The following CRAMP1 variants were observed in gnomAD, a reference collection of about 807,000 sequenced individuals.
The protein encoded by CRAMP1 is cramped chromatin regulator 1.
Under a neutral mutation model 115.4 loss-of-function variants are expected in CRAMP1, and 50 were observed. That is an observed-to-expected ratio of 0.43 (90% CI 0.35 to 0.55). The LOEUF (loss-of-function observed/expected upper bound fraction) is 0.55, where lower values mean the gene tolerates loss of function less well. Ranked by LOEUF, CRAMP1 falls within the 20% of genes least tolerant of loss-of-function variation. The pLI is 0.01. For missense variants in CRAMP1, 1,679 were observed against 1,721.7 expected (o/e 0.98, Z 0.44); for synonymous variants, 866 against 745.4 (o/e 1.16, Z -2.64).
intron 10 of CRAMP1, among the ~76,000 whole-genome samples, chr16:1,658,422 G>A (rs1265619622): frequency 6.6e-6 from 1 of 152,194 alleles, no homozygotes; most frequent in Non-Finnish European, 1.5e-5. Context: ...GTGCCCCAGG[G>A]AAGGGGCCAG....
chr16:1,646,430 G>A (rs959850071), intron 6 of CRAMP1, among the ~76,000 whole-genome samples: 5 of 152,232 alleles, frequency 3.3e-5, no homozygotes, highest in African/African-American at 9.6e-5. Flanking sequence ...GCATCATGCT[G>A]TGGTTTTGAT....
At chr16:1,647,046 A>G in intron 6 of CRAMP1, 1 of 702,912 alleles carries the variant, frequency 1.4e-6, no homozygotes, top group South Asian at 1.5e-5. Context: ...CAAACAGGAA[A>G]CCTGTCAAGG....
At chr16:1,655,419 G>A (rs2036762656) in intron 9 of CRAMP1, 119 bp downstream of exon 9, 1 of 800,160 alleles carries the variant, frequency 1.2e-6, no homozygotes, top group Non-Finnish European at 2.2e-6. Context: ...CAGCCATGCT[G>A]TGACATGGTG....
chr16:1,656,889 G>A lies in CRAMP1; in HGVS notation c.2132G>A (p.Gly711Asp). The change falls in exon 10 of 21, where the codon GGC becomes GAC. Residue 711 changes from glycine to aspartate, a missense_variant. Physicochemically the swap from Gly to Asp is moderately conservative, Grantham distance 94. This residue lies in a region of CRAMP1 where 709 missense variants were observed against 741.9 expected (regional missense o/e 0.96). Coordinates refer to ENST00000397412, the MANE Select transcript of CRAMP1 (RefSeq NM_020825.4). The surrounding 1 kb of genome is among the most constrained non-coding windows in gnomAD (Gnocchi z 5.6). ...LQLEYDWLGP[G>D]RQDPRPGSLP... ...CTGGAGTACGACTGGCTGGGGCCCG[G>A]CCGCCAGGACCCCCGCCCCGGCTCC... 1 of 1,551,290 alleles carries A rather than the reference G, an allele frequency of 6.4e-7. No individual in the cohort carries two copies. The highest frequency in any genetic ancestry group is 8.7e-7 in the Non-Finnish European group (1 of 1,147,656).
At position 1,666,644 on chromosome 16, in the gene CRAMP1, T is replaced by C. The variant is rs774294470; in HGVS notation, c.3036+44T>C. The C allele has an allele frequency of 1.1e-5, 17 of 1,564,408 alleles. No homozygotes were observed. The highest frequency in any genetic ancestry group is 1.5e-5 in the Non-Finnish European group (17 of 1,137,136). On this transcript the variant is annotated intron_variant, in intron 16 of 20. Coordinates refer to ENST00000397412, the MANE Select transcript of CRAMP1 (RefSeq NM_020825.4). This position sits in a 1 kb window ranked among gnomAD's most constrained non-coding sequence, Gnocchi z 5.0. ...GCTTTTCAGCATTACCACCAACTTC[T>C]GGTGTGGACGCCAAAGCCATGGGGC... is the stretch of plus-strand genomic sequence containing the variant.
intron 2 of CRAMP1, among the ~76,000 whole-genome samples, chr16:1,617,815 C>G (rs1026836432): frequency 6.6e-6 from 1 of 152,102 alleles, no homozygotes. Flanking sequence ...AGTTCAGTTT[C>G]AAATTTAAAT....
In CRAMP1 at chr16:1,613,207, G is replaced by A. The variant is rs184473216; in HGVS notation, c.-2+550G>A. On this transcript the variant is annotated intron_variant, in intron 1 of 20. Coordinates refer to ENST00000397412, the MANE Select transcript of CRAMP1 (RefSeq NM_020825.4). The stretch of plus-strand genomic sequence containing the variant: ...TTGCCACGAAATCCCTTAAGTTGGG[G>A]TGTTTGTCGTGGGTGGTTTTGTTCT... Among the ~76,000 whole-genome samples, 5 of 152,270 alleles carry A rather than the reference G, an allele frequency of 3.3e-5. No individual in the cohort carries two copies. The East Asian group carries it at 7.7e-4, about 24-fold the overall frequency.
At position 1,675,762 on chromosome 16, in the gene CRAMP1, C is replaced by T. The variant is rs975408317; in HGVS notation, c.*1717C>T. 6.6e-6 allele frequency: 1 copy of T among 152,250 alleles called. No individual in the cohort carries two copies. Among genetic ancestry groups the T allele is most frequent in the Non-Finnish European group, 1.5e-5 (1 of 68,050 alleles). 9.4% of individuals were successfully genotyped at this position (152,250 alleles called of 1,614,324 possible). A position where few individuals can be genotyped will look rare whatever the true frequency, so the allele number is the denominator to read the frequency against. Reference sequence around the variant, plus strand: ...AGAGCTCTTGCCTGAGCTGGCTTCCCTCCTTCAGACATTGACATGAGATCT... The same window carrying T: ...AGAGCTCTTGCCTGAGCTGGCTTCCTTCCTTCAGACATTGACATGAGATCT... On this transcript the variant is annotated 3_prime_UTR_variant, in exon 21 of 21. Transcript: ENST00000397412.
rs1227975822 is a variant in CRAMP1, at chr16:1,656,590, T to C, written c.1833T>C (p.Ala611=). 2.6e-6 allele frequency: 4 copies of C among 1,565,940 alleles called. No homozygotes were observed. The African/African-American group carries it at 5.4e-5, about 21-fold the overall frequency. ...APVSKEAADL[A]PTGPSPRPGP... Reference sequence around the variant, plus strand: ...TCAGCAAGGAGGCTGCTGACCTTGCTCCCACTGGCCCATCCCCGAGGCCCG... The same window carrying C: ...TCAGCAAGGAGGCTGCTGACCTTGCCCCCACTGGCCCATCCCCGAGGCCCG... Residue 611 remains alanine (A), a synonymous_variant, in exon 10 of 21, where the codon GCT becomes GCC. Coordinates refer to ENST00000397412, the MANE Select transcript of CRAMP1 (RefSeq NM_020825.4). This position sits in a 1 kb window ranked among gnomAD's most constrained non-coding sequence, Gnocchi z 5.6.
At chr16:1,640,290 G>A (rs560167219) in intron 5 of CRAMP1, among the ~76,000 whole-genome samples, 5 of 152,156 alleles carry the variant, frequency 3.3e-5, no homozygotes, top group South Asian at 4.1e-4. Context: ...CTGATCTGAC[G>A]GGTTCATTCT....
At chr16:1,612,771 C>T (rs2142161136) in intron 1 of CRAMP1, among the ~76,000 whole-genome samples, 114 bp downstream of exon 1, 1 of 152,200 alleles carries the variant, frequency 6.6e-6, no homozygotes, top group East Asian at 1.9e-4. Flanking sequence ...GGTACAGCCA[C>T]AACTGGCCTC....
At chr16:1,615,802 T>C (rs756839853) in intron 2 of CRAMP1, among the ~76,000 whole-genome samples, 4 of 152,250 alleles carry the variant, frequency 2.6e-5, no homozygotes, top group Non-Finnish European at 5.9e-5. Context: ...TTTCCGACCA[T>C]GTTCGCAGCA....
At chr16:1,670,613 G>A (rs1361372573) in intron 19 of CRAMP1, 51 bp from the exon 20 acceptor site, 2 of 1,604,372 alleles carry the variant, frequency 1.2e-6, no homozygotes, top group South Asian at 2.2e-5. Flanking sequence ...CGCTGGACTG[G>A]TCCAGACCAA....
At chr16:1,639,886 TA>T (rs1273733089) in intron 5 of CRAMP1, among the ~76,000 whole-genome samples, 8 of 152,256 alleles carry the variant, frequency 5.3e-5, no homozygotes, top group African/African-American at 1.7e-4. Flanking sequence ...TCCCTACCTC[TA>T]GACCCTATTC....
chr16:1,656,364 G>A lies in CRAMP1; in HGVS notation c.1607G>A (p.Arg536Gln), dbSNP rs371446549. 711 of 1,601,402 alleles carry A rather than the reference G, an allele frequency of 4.4e-4. 1 individual carries two copies. The highest frequency in any genetic ancestry group is 6.6e-4 in the Middle Eastern group (4 of 6,062). Residue 536 changes from arginine to glutamine, a missense_variant, in exon 10 of 21, where the codon CGG becomes CAG. Arg to Gln is a conservative substitution (Grantham distance 43). Around this residue, in one of 8 missense-constraint regions of CRAMP1, gnomAD observed 405 missense variants for 302.6 expected, o/e 1.34. Transcript: ENST00000397412. The surrounding 1 kb of genome is among the most constrained non-coding windows in gnomAD (Gnocchi z 5.6). ...GCAGAAGGCAGGGACAGTCCCACCCGGGAGCCAGGGGCCTTGCCGTGTGCC... is the reference window on the plus strand; with the variant it reads ...GCAGAAGGCAGGGACAGTCCCACCCAGGAGCCAGGGGCCTTGCCGTGTGCC... ...TPAEGRDSPTREPGALPCACG... is the reference protein window; with the variant it reads ...TPAEGRDSPTQEPGALPCACG...
At chr16:1,643,748 A>G (rs1322896987) in intron 6 of CRAMP1, among the ~76,000 whole-genome samples, 1 of 152,224 alleles carries the variant, frequency 6.6e-6, no homozygotes, top group Non-Finnish European at 1.5e-5. Flanking sequence ...CAGTCATGCC[A>G]TCTGCCACTC....
Position 1,676,463 on chromosome 16 carries a change from A to G in CRAMP1, c.*2418A>G, listed in dbSNP as rs1430346653. 6.6e-6 allele frequency: 1 copy of G among 152,246 alleles called. No homozygotes were observed. Among genetic ancestry groups the G allele is most frequent in the Non-Finnish European group, 1.5e-5 (1 of 68,044 alleles). 9.4% of individuals were successfully genotyped at this position (152,246 alleles called of 1,614,324 possible). A position where few individuals can be genotyped will look rare whatever the true frequency, so the allele number is the denominator to read the frequency against. On this transcript the variant is annotated 3_prime_UTR_variant, in exon 21 of 21. Coordinates refer to ENST00000397412, the MANE Select transcript of CRAMP1 (RefSeq NM_020825.4). ...ACATTTTCTTCTGGCCTAAATGAATATTTATGTGCAAACATAGGCAACTGT... is the reference window on the plus strand; with the variant it reads ...ACATTTTCTTCTGGCCTAAATGAATGTTTATGTGCAAACATAGGCAACTGT...
Position 1,656,264 on chromosome 16 carries a change from T to A in CRAMP1, c.1507T>A (p.Leu503Met), listed in dbSNP as rs2036772526. Residue 503 changes from leucine to methionine, a missense_variant, in exon 10 of 21, where the codon TTG (leucine) becomes ATG (methionine). Leu to Met is a conservative substitution (Grantham distance 15, BLOSUM62 2). Around this residue, in one of 8 missense-constraint regions of CRAMP1, gnomAD observed 405 missense variants for 302.6 expected, o/e 1.34. Transcript: ENST00000397412. This position sits in a 1 kb window ranked among gnomAD's most constrained non-coding sequence, Gnocchi z 5.6. ...CCCCGGGGAGGGGGCTGCCCTAAGC[T>A]TGAGCAGCCCGGACGCTCCTGACAG... ...SAPGEGAALS[L>M]SSPDAPDRPP... 3 of 1,611,398 alleles carry A rather than the reference T, an allele frequency of 1.9e-6. No homozygotes were observed. Among genetic ancestry groups the A allele is most frequent in the Non-Finnish European group, 2.5e-6 (3 of 1,179,710 alleles).
chr16:1,669,978 A>T lies in CRAMP1; in HGVS notation c.3500-686A>T, dbSNP rs2036908729. Among the ~76,000 whole-genome samples, 1 of 152,130 alleles carries T rather than the reference A, an allele frequency of 6.6e-6. No individual in the cohort carries two copies. The highest frequency in any genetic ancestry group is 6.5e-5 in the Admixed American group (1 of 15,270). On this transcript the variant is annotated intron_variant, in intron 19 of 20. Coordinates refer to ENST00000397412, the MANE Select transcript of CRAMP1 (RefSeq NM_020825.4). The surrounding 1 kb of genome is among the most constrained non-coding windows in gnomAD (Gnocchi z 4.6). Reference sequence around the variant, plus strand: ...TCACACGTAAATCTTGAAAAACTGGAAACAGGCCAGGCGTGGTGGCTCATG... The same window carrying T: ...TCACACGTAAATCTTGAAAAACTGGTAACAGGCCAGGCGTGGTGGCTCATG...
Sources: gnomAD v4.1 joint callset for allele counts (sites outside exome capture counted in the v4.1 genomes callset) on GRCh38, gnomAD v4.1.1 for gene constraint, gnomAD v4.1.1 regional missense constraint, Gnocchi (gnomAD v3.1) non-coding constraint, MANE v1.5 for transcripts, NCBI Gene and HGNC (gene_info 2026-07-23, HGNC 2026-07-21) for gene names.